The following TOR3A variants were observed in gnomAD, a reference collection of about 807,000 sequenced individuals.
TOR3A encodes the protein torsin family 3 member A.
A neutral mutation model predicts 42.1 loss-of-function variants in TOR3A; 44 were observed. The observed-to-expected ratio is 1.04, with a 90% CI of 0.82 to 1.34. TOR3A has a LOEUF of 1.34. Ranked by LOEUF, TOR3A falls within the 40% of genes most tolerant of loss-of-function variation. The probability of loss-of-function intolerance (pLI) is 0.00; values close to 1 mark genes in which losing one functional copy is unlikely to be tolerated. For synonymous variants in TOR3A, 227 were observed against 213.2 expected (o/e 1.06, Z -0.57); for missense variants, 521 against 507.6 (o/e 1.03, Z -0.25).
At chr1:179,094,844 C>G (rs1652689814) in intron 5 of TOR3A, 124 bp from the exon 6 acceptor site, 1 of 937,166 alleles carries the variant, frequency 1.1e-6, no homozygotes, top group Non-Finnish European at 1.7e-6. Context: ...CACCACTGCA[C>G]TCCAGCCTGG....
Position 179,082,201 on chromosome 1 carries a change from G to A in TOR3A, c.73G>A (p.Gly25Ser). 6.7e-7 allele frequency: 1 copy of A among 1,500,954 alleles called. No homozygotes were observed. The highest frequency in any genetic ancestry group is 1.3e-5 in the South Asian group (1 of 79,746). 93.0% of individuals were successfully genotyped at this position (1,500,954 alleles called of 1,614,324 possible). The change falls in exon 1 of 6, where the codon GGC (glycine) becomes AGC (serine). Residue 25 changes from glycine to serine, a missense_variant. Physicochemically the swap from Gly to Ser is moderately conservative, Grantham distance 56. Transcript: ENST00000367627. The stretch of plus-strand genomic sequence containing the variant: ...GCTCCCGGGCGCGCCTGAGCCCCGC[G>A]GCGCCTCCAGGCCGTGGGAGGGAAC... ...LLLPGAPEPRGASRPWEGTDE... is the reference protein window; with the variant it reads ...LLLPGAPEPRSASRPWEGTDE...
In TOR3A at chr1:179,095,554, C is replaced by G. The variant is rs1002856912; in HGVS notation, c.*336C>G. 3 of 1,163,130 alleles carry G rather than the reference C, an allele frequency of 2.6e-6. No homozygotes were observed. The African/African-American group carries it at 4.8e-5, about 18-fold the overall frequency. 72.1% of individuals were successfully genotyped at this position (1,163,130 alleles called of 1,614,324 possible). On this transcript the variant is annotated 3_prime_UTR_variant, in exon 6 of 6. Coordinates refer to ENST00000367627, the MANE Select transcript of TOR3A (RefSeq NM_022371.4). ...AAGTGGGCCAGGTGGTTGAAGAAAG[C>G]CATGTGGGAGCTCAGCAAATCCCAA...
rs778190460 is a variant in TOR3A at position 179,082,977 on chromosome 1, C to A, written c.297C>A (p.Asp99Glu). Residue 99 changes from aspartate (D) to glutamate (E), a missense_variant, in exon 2 of 6, where the codon GAC becomes GAA. Coordinates refer to ENST00000367627, the MANE Select transcript of TOR3A (RefSeq NM_022371.4). ...CTCTGTTGGGCCAGCGGTACCTGGA[C>A]CTCCTGACCACGTGGTACTGCAGCT... ...RLPLLGQRYL[D>E]LLTTWYCSFK... The A allele has an allele frequency of 3.8e-6, 6 of 1,589,410 alleles. No individual in the cohort carries two copies. The highest frequency in any genetic ancestry group is 1.8e-5 in the Admixed American group (1 of 55,918).
intron 4 of TOR3A, among the ~76,000 whole-genome samples, chr1:179,090,109 G>T (rs1652538993): frequency 7.2e-6 from 1 of 139,764 alleles, no homozygotes; most frequent in Admixed American, 7.0e-5. Context: ...TTGTGGGCGG[G>T]GTGGGGGGGG....
At chr1:179,088,931 C>A (rs1254346793) in intron 4 of TOR3A, among the ~76,000 whole-genome samples, 2 of 152,298 alleles carry the variant, frequency 1.3e-5, no homozygotes, top group African/African-American at 4.8e-5. Flanking sequence ...CTTCCCAACT[C>A]CACTCCGGCC....
chr1:179,088,648 G>A (rs1365521970), intron 4 of TOR3A, among the ~76,000 whole-genome samples: 2 of 152,206 alleles, frequency 1.3e-5, no homozygotes, highest in African/African-American at 4.8e-5. Context: ...TATACGGGTT[G>A]AGAAACCCAT....
At chr1:179,087,843 A>T in intron 3 of TOR3A, 68 bp from the exon 4 acceptor site, 1 of 1,465,432 alleles carries the variant, frequency 6.8e-7, no homozygotes, top group Non-Finnish European at 9.1e-7. Context: ...CCCAGGGGAA[A>T]CCACGCCCTC....
intron 4 of TOR3A, chr1:179,091,849 A>C (rs1257599644): frequency 6.6e-6 from 1 of 152,326 alleles, no homozygotes; most frequent in Non-Finnish European, 1.5e-5. Flanking sequence ...GTCTTGCCTC[A>C]GCTGATGCAA....
Position 179,095,153 on chromosome 1 carries a change from G to A in TOR3A, c.1129G>A (p.Glu377Lys). 2 of 1,614,186 alleles carry A rather than the reference G, an allele frequency of 1.2e-6. No individual in the cohort carries two copies. Among genetic ancestry groups the A allele is most frequent in the South Asian group, 1.1e-5 (1 of 91,088 alleles). Residue 377 changes from glutamate to lysine, a missense_variant, in exon 6 of 6, where the codon GAA (glutamate) becomes AAA (lysine). Transcript: ENST00000367627. The stretch of plus-strand genomic sequence containing the variant: ...GATGATGGTGTATGTCCCCAAGGAG[G>A]AACAACTCTTTTCTTCCCAGGGCTG... ...AQMMVYVPKE[E>K]QLFSSQGCKS...
In TOR3A at chr1:179,087,937, GA is replaced by G; in HGVS notation, c.667del (p.Thr223ArgfsTer30). The G allele has an allele frequency of 6.2e-7, 1 of 1,601,266 alleles. No individual in the cohort carries two copies. On this transcript the variant is annotated frameshift_variant, in exon 4 of 6. Coordinates refer to ENST00000367627, the MANE Select transcript of TOR3A (RefSeq NM_022371.4). LOFTEE classifies it high-confidence loss of function. The part of the protein sequence containing the change: ...KEQLMSQIRE[T>X]QQLCHQTLFI... ...AGCAGCTGATGAGCCAGATCCGGGA[GA>G]CGCAGCAGCTCTGCCACCAGACCCT...
At chr1:179,094,946 G>GTAAC in intron 5 of TOR3A, 22 bp from the exon 6 acceptor site, 10 of 1,613,636 alleles carry the variant, frequency 6.2e-6, no homozygotes, top group Non-Finnish European at 8.5e-6. Context: ...CAGACTCCAT[G>GTAAC]TAACTTTGGT....
intron 2 of TOR3A, 44 bp from the exon 3 acceptor site, chr1:179,085,584 C>T: frequency 1.2e-6 from 2 of 1,600,618 alleles, no homozygotes; most frequent in Non-Finnish European, 1.7e-6. Flanking sequence ...GGTGGATGGG[C>T]CTGTGTGTGC....
intron 4 of TOR3A, 76 bp from the exon 5 acceptor site, chr1:179,094,009 CTAATGCAT>C: frequency 6.6e-7 from 1 of 1,522,098 alleles, no homozygotes; most frequent in Non-Finnish European, 8.9e-7. Flanking sequence ...CTTCCAGGCA[CTAATGCAT>C]TGGTTTCAGC....
intron 1 of TOR3A, 28 bp from the exon 2 acceptor site, chr1:179,082,912 C>T: frequency 6.8e-7 from 1 of 1,477,662 alleles, no homozygotes; most frequent in East Asian, 2.4e-5. Flanking sequence ...ATGGTCTCCT[C>T]TCGGTCTCAC....
In TOR3A at chr1:179,085,528, C is replaced by T. The variant is rs992476674; in HGVS notation, c.374-100C>T. ...AACAGGAGGAGTAACTGATTCCACC[C>T]GAGAGAGATTCAGAGTTGCTTGGTT... is the stretch of plus-strand genomic sequence containing the variant. On this transcript the variant is annotated intron_variant, in intron 2 of 5. Transcript: ENST00000367627. The T allele has an allele frequency of 1.7e-4, 255 of 1,471,580 alleles. 1 individual carries two copies. The highest frequency in any genetic ancestry group is 7.1e-4 in the Middle Eastern group (4 of 5,600). The allele number at this position is 1,471,580 out of a possible 1,614,324, so 91.2% of individuals were successfully genotyped here.
At chr1:179,092,623 G>A (rs917970218) in intron 4 of TOR3A, among the ~76,000 whole-genome samples, 1 of 152,172 alleles carries the variant, frequency 6.6e-6, no homozygotes, top group African/African-American at 2.4e-5. Context: ...GAGGCGGGCA[G>A]ATCAGCTGAG....
chr1:179,088,241 C>A, intron 4 of TOR3A, 152 bp downstream of exon 4: 1 of 849,862 alleles, frequency 1.2e-6, no homozygotes, highest in Non-Finnish European at 1.7e-6. Context: ...GCTGTGGTAG[C>A]TCACGCCTGT....
chr1:179,090,388 G>A lies in TOR3A; in HGVS notation c.818+2299G>A, dbSNP rs188655837. Among the ~76,000 whole-genome samples, 393 of 152,318 alleles carry A rather than the reference G, an allele frequency of 2.6e-3. 3 individuals carry two copies. The highest frequency in any genetic ancestry group is 8.2e-3 in the African/African-American group (343 of 41,578). On this transcript the variant is annotated intron_variant, in intron 4 of 5. Coordinates refer to ENST00000367627, the MANE Select transcript of TOR3A (RefSeq NM_022371.4). ...TCAGGTAGTCCAGCGATGGCTGGGA[G>A]GAGACACACTGTTGATATTGGAGTC...
chr1:179,095,220 G>A lies in TOR3A; in HGVS notation c.*2G>A. The A allele has an allele frequency of 1.9e-6, 3 of 1,613,854 alleles. No individual in the cohort carries two copies. The highest frequency in any genetic ancestry group is 2.5e-6 in the Non-Finnish European group (3 of 1,179,918). On this transcript the variant is annotated 3_prime_UTR_variant, in exon 6 of 6. Transcript: ENST00000367627. The stretch of plus-strand genomic sequence containing the variant: ...AGGATTAACTACTTCCTGTCATGAA[G>A]GCTAGAGGAAGACTTCCTGGAACTG...
Sources: allele counts gnomAD v4.1 joint callset (sites outside exome capture counted in the v4.1 genomes callset), GRCh38; gene constraint gnomAD v4.1.1; transcripts MANE v1.5; gene names NCBI Gene and HGNC (gene_info 2026-07-23, HGNC 2026-07-21).